COL4A2: variants seen among roughly 807,000 people sequenced by gnomAD.
COL4A2 encodes collagen type IV alpha 2 chain.
A neutral mutation model predicts 200.2 loss-of-function variants in COL4A2; 99 were observed. The ratio of observed to expected loss-of-function variants is 0.49; its 90% confidence interval spans 0.42 to 0.58. The LOEUF (loss-of-function observed/expected upper bound fraction) is 0.58, where lower values mean the gene tolerates loss of function less well. Ranked by LOEUF, COL4A2 falls within the 20% of genes least tolerant of loss-of-function variation. The pLI, the probability that COL4A2 is intolerant of heterozygous loss-of-function variation, is 0.00. For synonymous variants in COL4A2, 897 were observed against 900.6 expected (o/e 1.00, Z 0.07); for missense variants, 1,950 against 2,314.1 (o/e 0.84, Z 3.23).
intron 4 of COL4A2, among the ~76,000 whole-genome samples, chr13:110,389,538 C>T (rs1279983898): frequency 6.6e-6 from 1 of 152,214 alleles, no homozygotes; most frequent in East Asian, 1.9e-4. Flanking sequence ...GCAGGAGGGC[C>T]CGGCTCAGGG....
intron 4 of COL4A2, among the ~76,000 whole-genome samples, chr13:110,408,918 C>G (rs150150398): frequency 8.5e-4 from 54 of 63,888 alleles, no homozygotes; most frequent in Middle Eastern, 7.2e-3. Flanking sequence ...TATACACATG[C>G]ACACACACGT....
chr13:110,422,925 T>A (rs1414303134), intron 4 of COL4A2, among the ~76,000 whole-genome samples: 1 of 152,216 alleles, frequency 6.6e-6, no homozygotes. Flanking sequence ...ACTGTGTGGA[T>A]TGCTGAGAAT....
chr13:110,480,967 T>G (rs577435463), intron 31 of COL4A2, among the ~76,000 whole-genome samples: 1 of 144,052 alleles, frequency 6.9e-6, no homozygotes, highest in East Asian at 2.1e-4. Flanking sequence ...CCTCCGTTGC[T>G]GGAGACACAC....
chr13:110,340,715 CAG>C (rs1351511667), intron 3 of COL4A2, among the ~76,000 whole-genome samples: 2 of 152,140 alleles, frequency 1.3e-5, no homozygotes, highest in Non-Finnish European at 2.9e-5. Flanking sequence ...TGCACAGGGA[CAG>C]AGAGTCTTTA....
chr13:110,397,657 T>C (rs1879228066), intron 4 of COL4A2, among the ~76,000 whole-genome samples: 1 of 152,152 alleles, frequency 6.6e-6, no homozygotes, highest in Non-Finnish European at 1.5e-5. Flanking sequence ...TAATGGATCA[T>C]GTGGACCACG....
chr13:110,462,179 A>G lies in COL4A2; in HGVS notation c.1662A>G (p.Thr554=), dbSNP rs1245838804. 1.2e-6 allele frequency: 2 copies of G among 1,614,140 alleles called. No homozygotes were observed. The highest frequency in any genetic ancestry group is 2.2e-5 in the East Asian group (1 of 44,894). ...CAAAAGGAGATTCCAGAACAATCAC[A>G]ACCAAAGGTGAGTTCCTCTCTGGCC... ...KGAKGDSRTI[T]TKGERGQPGV... Residue 554 remains threonine, a synonymous_variant, in exon 23 of 48, where the codon ACA becomes ACG. Coordinates refer to ENST00000360467, the MANE Select transcript of COL4A2 (RefSeq NM_001846.4).
At chr13:110,387,193 C>T (rs1014185802) in intron 4 of COL4A2, among the ~76,000 whole-genome samples, 5 of 152,070 alleles carry the variant, frequency 3.3e-5, no homozygotes, top group Admixed American at 3.3e-4. Context: ...GAGCCGAAAT[C>T]GCACCACTGC....
chr13:110,376,474 C>T (rs1228922513), intron 4 of COL4A2, among the ~76,000 whole-genome samples: 13 of 151,324 alleles, frequency 8.6e-5, no homozygotes, highest in Admixed American at 8.5e-4. Context: ...ATTAGCCCCC[C>T]CACCCAAAAA....
chr13:110,353,533 C>T (rs1239053716), intron 3 of COL4A2, among the ~76,000 whole-genome samples: 1 of 152,196 alleles, frequency 6.6e-6, no homozygotes, highest in African/African-American at 2.4e-5. Context: ...CTCAGGGAGG[C>T]ATTTGTGTCT....
chr13:110,481,636 A>ATGGG (rs1882924874), intron 31 of COL4A2, among the ~76,000 whole-genome samples: 7 of 105,236 alleles, frequency 6.7e-5, no homozygotes, highest in Non-Finnish European at 1.1e-4. Flanking sequence ...CTGGAGACAC[A>ATGGG]CTGTTCTGTC....
chr13:110,470,800 G>T (rs1005696431), intron 28 of COL4A2, among the ~76,000 whole-genome samples: 11 of 152,222 alleles, frequency 7.2e-5, no homozygotes, highest in African/African-American at 2.4e-4. Context: ...CCTCAATGCA[G>T]AAGTGTCTGT....
At chr13:110,385,528 T>C (rs1423173418) in intron 4 of COL4A2, among the ~76,000 whole-genome samples, 6 of 104,696 alleles carry the variant, frequency 5.7e-5, no homozygotes, top group East Asian at 5.6e-4. Flanking sequence ...GTGGTTACAG[T>C]GCGTGGATAG....
At chr13:110,342,200 A>T (rs1310504382) in intron 3 of COL4A2, among the ~76,000 whole-genome samples, 2 of 152,220 alleles carry the variant, frequency 1.3e-5, no homozygotes, top group Admixed American at 6.5e-5. Flanking sequence ...TAAGAATTTG[A>T]CTTATTAGAG....
chr13:110,433,064 G>T (rs9559797), intron 11 of COL4A2, among the ~76,000 whole-genome samples: 1 of 152,058 alleles, frequency 6.6e-6, no homozygotes, highest in Non-Finnish European at 1.5e-5. Flanking sequence ...ATCTAGGAAC[G>T]TTTCCTTTGC....
intron 3 of COL4A2, among the ~76,000 whole-genome samples, chr13:110,352,658 G>A (rs996233658): frequency 6.6e-6 from 1 of 152,222 alleles, no homozygotes; most frequent in Non-Finnish European, 1.5e-5. Flanking sequence ...CACTGGTGCA[G>A]TTGAAGGAAG....
intron 3 of COL4A2, among the ~76,000 whole-genome samples, chr13:110,322,430 G>T (rs1304584825): frequency 6.6e-6 from 1 of 152,220 alleles, no homozygotes; most frequent in African/African-American, 2.4e-5. Context: ...GCCCACACAG[G>T]TGCAGGCACC....
chr13:110,432,566 G>A (rs1365100985), intron 11 of COL4A2, among the ~76,000 whole-genome samples: 1 of 152,090 alleles, frequency 6.6e-6, no homozygotes, highest in Non-Finnish European at 1.5e-5. Flanking sequence ...GTAAACAGGT[G>A]GAATGATTTG....
At chr13:110,504,940 A>G (rs1481954927) in intron 45 of COL4A2, among the ~76,000 whole-genome samples, 1 of 152,134 alleles carries the variant, frequency 6.6e-6, no homozygotes, top group Non-Finnish European at 1.5e-5. Flanking sequence ...GCACATATAC[A>G]GAATGAAATA....
At chr13:110,355,822 C>T (rs147290764) in intron 3 of COL4A2, among the ~76,000 whole-genome samples, 301 of 24,384 alleles carry the variant, frequency 0.012, 50 homozygotes, top group African/African-American at 0.032. Flanking sequence ...GGGAGGGCTG[C>T]ACTAGCTCAC....
Sources: gnomAD v4.1 joint callset for allele counts (sites outside exome capture counted in the v4.1 genomes callset) on GRCh38, gnomAD v4.1.1 for gene constraint, MANE v1.5 for transcripts, NCBI Gene and HGNC (gene_info 2026-07-23, HGNC 2026-07-21) for gene names.